PELI2: variants seen among roughly 807,000 people sequenced by gnomAD.
PELI2 encodes E3 ubiquitin-protein ligase pellino homolog 2.
Under a neutral mutation model 42.3 loss-of-function variants are expected in PELI2, and 23 were observed. The observed-to-expected ratio is 0.54, with a 90% CI of 0.39 to 0.77. PELI2 has a LOEUF of 0.77. PELI2 is among the 30% of genes least tolerant of loss of function. The probability of loss-of-function intolerance (pLI) is 0.00; values close to 1 mark genes in which losing one functional copy is unlikely to be tolerated. For missense variants in PELI2, 463 were observed against 553.2 expected, an observed-to-expected ratio of 0.84 and a Z score of 1.64; for synonymous variants, 245 against 212.2, an observed-to-expected ratio of 1.15 and a Z score of -1.34.
At chr14:56,251,755 A>G (rs1888352806) in intron 2 of PELI2, among the ~76,000 whole-genome samples, 2 of 152,234 alleles carry the variant, frequency 1.3e-5, no homozygotes, top group African/African-American at 2.4e-5. Flanking sequence ...GTTGGGGGAC[A>G]TTACATCTAA....
chr14:56,162,536 A>G (rs1884803471), intron 1 of PELI2, among the ~76,000 whole-genome samples: 1 of 152,210 alleles, frequency 6.6e-6, no homozygotes, highest in South Asian at 2.1e-4. Context: ...GGTTGCTTCC[A>G]AATCTTAGCT....
At chr14:56,284,227 T>G (rs1889574441) in intron 3 of PELI2, among the ~76,000 whole-genome samples, 1 of 152,198 alleles carries the variant, frequency 6.6e-6, no homozygotes, top group East Asian at 1.9e-4. Context: ...TATAAGAAAT[T>G]GTTAGTTAAT....
At chr14:56,143,265 A>G (rs1476924285) in intron 1 of PELI2, among the ~76,000 whole-genome samples, 1 of 152,244 alleles carries the variant, frequency 6.6e-6, no homozygotes, top group African/African-American at 2.4e-5. Context: ...CTAGAAGTCC[A>G]CAGAAGTAAT....
rs192497129 is a variant in PELI2 at position 56,158,655 on chromosome 14, G to A, written c.78-19680G>A. Among the ~76,000 whole-genome samples the A allele has an allele frequency of 3.4e-3, 511 of 152,250 alleles. 4 individuals carry two copies. Among genetic ancestry groups the A allele is most frequent in the Non-Finnish European group, 5.6e-3 (378 of 68,016 alleles). On this transcript the variant is annotated intron_variant, in intron 1 of 5. Transcript: ENST00000267460. Reference sequence around the variant, plus strand: ...CAGGTGTGAGCCACCACACCTGGCCGAGATTATTTTTTAAGAGACTTCTTA... The same window carrying A: ...CAGGTGTGAGCCACCACACCTGGCCAAGATTATTTTTTAAGAGACTTCTTA...
chr14:56,171,120 A>G (rs1332563812), intron 1 of PELI2, among the ~76,000 whole-genome samples: 3 of 152,148 alleles, frequency 2.0e-5, no homozygotes, highest in African/African-American at 7.2e-5. Context: ...CTATTCTACT[A>G]TACAAAAGAT....
Position 56,295,345 on chromosome 14 carries a change from T to TC in PELI2, c.697-1247dup, listed in dbSNP as rs956108958. On this transcript the variant is annotated intron_variant, in intron 5 of 5. Coordinates refer to ENST00000267460, the MANE Select transcript of PELI2 (RefSeq NM_021255.3). ...CTCCCTCTCCCGCCTGGGTCTCTCG[T>TC]CCCCCCCCACCCAGTGCCCTGAACT... is the stretch of plus-strand genomic sequence containing the variant. Among the ~76,000 whole-genome samples, 20 of 151,156 alleles carry TC rather than the reference T, an allele frequency of 1.3e-4. No individual in the cohort carries two copies. In the Middle Eastern group the frequency reaches 0.01, roughly 78 times the overall value.
intron 2 of PELI2, among the ~76,000 whole-genome samples, chr14:56,192,255 T>C (rs1393175167): frequency 6.6e-6 from 1 of 152,270 alleles, no homozygotes; most frequent in East Asian, 1.9e-4. Flanking sequence ...TTTTGTCTTT[T>C]GTTACACTGA....
At chr14:56,192,867 C>T (rs1201972969) in intron 2 of PELI2, among the ~76,000 whole-genome samples, 1 of 152,190 alleles carries the variant, frequency 6.6e-6, no homozygotes, top group East Asian at 1.9e-4. Flanking sequence ...TATTATAGTA[C>T]ATCTTTTCTT....
intron 5 of PELI2, among the ~76,000 whole-genome samples, chr14:56,292,471 A>G (rs1666600760): frequency 6.6e-6 from 1 of 152,166 alleles, no homozygotes. Context: ...GATATAAATT[A>G]TGTTTATCTG....
chr14:56,224,237 T>A (rs1051748899), intron 2 of PELI2, among the ~76,000 whole-genome samples: 12 of 152,228 alleles, frequency 7.9e-5, no homozygotes, highest in Non-Finnish European at 1.6e-4. Context: ...GAATACTTGC[T>A]TCCATACAAT....
intron 2 of PELI2, among the ~76,000 whole-genome samples, chr14:56,205,730 C>A (rs570054533): frequency 6.6e-6 from 1 of 152,282 alleles, no homozygotes; most frequent in East Asian, 1.9e-4. Context: ...AGCACCATTG[C>A]AAGGGGCTGC....
intron 1 of PELI2, among the ~76,000 whole-genome samples, chr14:56,160,284 T>C (rs1365820753): frequency 2.0e-5 from 3 of 152,294 alleles, no homozygotes; most frequent in South Asian, 2.1e-4. Flanking sequence ...TATGGTGTTA[T>C]GCTTTTCTAC....
chr14:56,293,658 T>A (rs936113454), intron 5 of PELI2, among the ~76,000 whole-genome samples: 2 of 152,142 alleles, frequency 1.3e-5, no homozygotes, highest in African/African-American at 4.8e-5. Context: ...TTGCATGGTC[T>A]GGAGGAGGTC....
intron 1 of PELI2, among the ~76,000 whole-genome samples, chr14:56,151,347 C>G (rs761551209): frequency 6.6e-6 from 1 of 152,192 alleles, no homozygotes; most frequent in Admixed American, 6.5e-5. Flanking sequence ...TTATCTTTAC[C>G]CCATGCTTAC....
intron 1 of PELI2, among the ~76,000 whole-genome samples, chr14:56,164,082 T>C (rs751008410): frequency 6.6e-6 from 1 of 152,138 alleles, no homozygotes; most frequent in African/African-American, 2.4e-5. Flanking sequence ...CCTCCAGTAC[T>C]ATGTTGAGTA....
chr14:56,203,405 TG>T (rs1886405952), intron 2 of PELI2, among the ~76,000 whole-genome samples: 1 of 152,166 alleles, frequency 6.6e-6, no homozygotes, highest in African/African-American at 2.4e-5. Flanking sequence ...AAAAAAGGTA[TG>T]TTTTTTGCAA....
At chr14:56,185,313 G>GT (rs1215735576) in intron 2 of PELI2, among the ~76,000 whole-genome samples, 1 of 152,094 alleles carries the variant, frequency 6.6e-6, no homozygotes, top group Non-Finnish European at 1.5e-5. Flanking sequence ...TGCAAATAAT[G>GT]TAAGTATAGT....
chr14:56,225,025 G>A (rs1206972564), intron 2 of PELI2, among the ~76,000 whole-genome samples: 1 of 152,158 alleles, frequency 6.6e-6, no homozygotes, highest in East Asian at 1.9e-4. Flanking sequence ...GCACATAACT[G>A]TATGTTCAGT....
chr14:56,288,673 G>T lies in PELI2; in HGVS notation c.507+39G>T. On this transcript the variant is annotated intron_variant, in intron 4 of 5. Coordinates refer to ENST00000267460, the MANE Select transcript of PELI2 (RefSeq NM_021255.3). This position sits in a 1 kb window ranked among gnomAD's most constrained non-coding sequence, Gnocchi z 4.6. ...AGAAGTACACGATTTCTAGAAAAATGCTTGTGATTATGATATGGAACATTT... is the reference window on the plus strand; with the variant it reads ...AGAAGTACACGATTTCTAGAAAAATTCTTGTGATTATGATATGGAACATTT... 6.7e-7 allele frequency: 1 copy of T among 1,490,880 alleles called. No homozygotes were observed. Among genetic ancestry groups the T allele is most frequent in the Non-Finnish European group, 9.2e-7 (1 of 1,083,454 alleles). 92.4% of individuals were successfully genotyped at this position (1,490,880 alleles called of 1,614,324 possible). A position where few individuals can be genotyped will look rare whatever the true frequency, so the allele number is the denominator to read the frequency against.
Sources: allele counts gnomAD v4.1 joint callset (sites outside exome capture counted in the v4.1 genomes callset), GRCh38; gene constraint gnomAD v4.1.1; non-coding constraint Gnocchi (gnomAD v3.1); transcripts MANE v1.5; gene names NCBI Gene and HGNC (gene_info 2026-07-23, HGNC 2026-07-21).